Variants in EXOC4 observed in about 807,000 individuals in gnomAD.
The protein encoded by EXOC4 is SEC8-like 1.
A neutral mutation model predicts 107.2 loss-of-function variants in EXOC4; 71 were observed. That is an observed-to-expected ratio of 0.66 (90% CI 0.55 to 0.81). The LOEUF is 0.81. Ranked by LOEUF, EXOC4 falls within the 30% of genes least tolerant of loss-of-function variation. The pLI, the probability that EXOC4 is intolerant of heterozygous loss-of-function variation, is 0.00. For missense variants in EXOC4, 1,108 were observed against 1,189.6 expected, an observed-to-expected ratio of 0.93 and a Z score of 1.01; for synonymous variants, 456 against 441.2, an observed-to-expected ratio of 1.03 and a Z score of -0.42.
At chr7:133,554,314 A>C (rs1490587211) in intron 9 of EXOC4, among the ~76,000 whole-genome samples, 1 of 152,208 alleles carries the variant, frequency 6.6e-6, no homozygotes, top group Non-Finnish European at 1.5e-5. Context: ...AAATAATGTA[A>C]ATGTCAACAG....
chr7:133,956,502 A>G (rs1001973680), intron 14 of EXOC4, among the ~76,000 whole-genome samples: 2 of 152,332 alleles, frequency 1.3e-5, no homozygotes, highest in South Asian at 4.1e-4. Context: ...TACTTCTCGC[A>G]ATTCAGTGAG....
chr7:134,012,523 C>A (rs1170255896), intron 17 of EXOC4, among the ~76,000 whole-genome samples: 1 of 152,092 alleles, frequency 6.6e-6, no homozygotes, highest in Admixed American at 6.5e-5. Context: ...ATAGGAGAGG[C>A]TATTGAAGTG....
intron 11 of EXOC4, among the ~76,000 whole-genome samples, chr7:133,876,369 C>G (rs532373655): frequency 1.1e-3 from 167 of 152,004 alleles, no homozygotes; most frequent in Admixed American, 3.5e-3. Context: ...AGTGAGTCTT[C>G]CCAGGTTGTT....
intron 7 of EXOC4, among the ~76,000 whole-genome samples, chr7:133,418,365 T>C (rs1295522131): frequency 6.6e-6 from 1 of 152,206 alleles, no homozygotes; most frequent in East Asian, 1.9e-4. Context: ...TTACTGAGGT[T>C]GTACATTGGT....
chr7:134,035,080 C>G (rs1333239311), intron 17 of EXOC4, among the ~76,000 whole-genome samples: 2 of 139,156 alleles, frequency 1.4e-5, no homozygotes, highest in African/African-American at 5.3e-5. Context: ...GAGTCTCACT[C>G]TGTTGGCCAG....
At chr7:133,619,833 C>T (rs1346670811) in intron 9 of EXOC4, among the ~76,000 whole-genome samples, 1 of 152,146 alleles carries the variant, frequency 6.6e-6, no homozygotes, top group Non-Finnish European at 1.5e-5. Context: ...TCTGCTGTAG[C>T]CATCATCTGT....
intron 2 of EXOC4, among the ~76,000 whole-genome samples, chr7:133,281,170 T>G (rs1417096573): frequency 6.6e-6 from 1 of 152,164 alleles, no homozygotes; most frequent in Non-Finnish European, 1.5e-5. Flanking sequence ...GATTTGTAGT[T>G]CTAAAAGGCT....
intron 14 of EXOC4, among the ~76,000 whole-genome samples, chr7:133,986,457 A>G (rs1055254618): frequency 7.2e-5 from 11 of 152,212 alleles, no homozygotes; most frequent in African/African-American, 2.2e-4. Context: ...GGAAAAGAGT[A>G]GTAGCTTTGG....
intron 11 of EXOC4, among the ~76,000 whole-genome samples, chr7:133,884,620 T>TGTGTGC (rs942323507): frequency 1.6e-3 from 230 of 142,404 alleles, no homozygotes; most frequent in South Asian, 6.3e-3. Flanking sequence ...TGTGTGTGTG[T>TGTGTGC]GCGCGCGTGT....
chr7:133,479,954 C>G, intron 8 of EXOC4, 96 bp from the exon 9 acceptor site: 3 of 1,033,204 alleles, frequency 2.9e-6, no homozygotes, highest in Non-Finnish European at 3.0e-6. Flanking sequence ...TCGGGGAGCA[C>G]CACACAGACC....
chr7:133,262,364 G>T (rs1795173775), intron 1 of EXOC4, among the ~76,000 whole-genome samples: 1 of 143,742 alleles, frequency 7.0e-6, no homozygotes, highest in Non-Finnish European at 1.5e-5. Flanking sequence ...ATAGTGGCCA[G>T]TTTTTTTTTT....
At chr7:133,277,963 T>C (rs970195942) in intron 2 of EXOC4, among the ~76,000 whole-genome samples, 2 of 152,178 alleles carry the variant, frequency 1.3e-5, no homozygotes, top group African/African-American at 4.8e-5. Flanking sequence ...TCAGTAACGA[T>C]TGGGCTACGT....
the EXOC4 span, among the ~76,000 whole-genome samples, chr7:134,078,178 C>A: frequency 6.6e-6 from 1 of 151,816 alleles, no homozygotes; most frequent in Non-Finnish European, 1.5e-5. Flanking sequence ...TTTGCTTTAC[C>A]CCCCTTTTTC....
chr7:133,934,553 C>G (rs1800254649), intron 13 of EXOC4, among the ~76,000 whole-genome samples: 1 of 152,082 alleles, frequency 6.6e-6, no homozygotes, highest in Non-Finnish European at 1.5e-5. Flanking sequence ...ATGCCCAGGG[C>G]CCAAGATCCC....
At chr7:133,376,261 A>G (rs1796488212) in intron 7 of EXOC4, among the ~76,000 whole-genome samples, 1 of 152,216 alleles carries the variant, frequency 6.6e-6, no homozygotes, top group Non-Finnish European at 1.5e-5. Context: ...GTCAATTGCC[A>G]TGCCTGTAGT....
At chr7:134,034,310 G>A (rs1428966501) in intron 17 of EXOC4, among the ~76,000 whole-genome samples, 1 of 152,230 alleles carries the variant, frequency 6.6e-6, no homozygotes, top group Non-Finnish European at 1.5e-5. Context: ...AGGAAAAAAA[G>A]CAACTATACA....
chr7:133,412,054 G>T (rs1443801508), intron 7 of EXOC4, among the ~76,000 whole-genome samples: 1 of 151,932 alleles, frequency 6.6e-6, no homozygotes. Context: ...TTCTAAGTGT[G>T]GCTTTGATAG....
chr7:133,859,315 C>T (rs1798483645), intron 11 of EXOC4, among the ~76,000 whole-genome samples: 1 of 152,182 alleles, frequency 6.6e-6, no homozygotes, highest in Non-Finnish European at 1.5e-5. Context: ...CTACCTCACC[C>T]AGAGAGCTTT....
intron 17 of EXOC4, among the ~76,000 whole-genome samples, chr7:134,012,544 G>A (rs937921330): frequency 5.3e-5 from 8 of 152,270 alleles, no homozygotes; most frequent in South Asian, 2.1e-4. Flanking sequence ...TGTGGAGGGC[G>A]GAGAGGGGGT....
Sources: allele counts gnomAD v4.1 joint callset (sites outside exome capture counted in the v4.1 genomes callset), GRCh38; gene constraint gnomAD v4.1.1; transcripts MANE v1.5; gene names NCBI Gene and HGNC (gene_info 2026-07-23, HGNC 2026-07-21).